The following FANCM variants were observed in gnomAD, a reference collection of about 807,000 sequenced individuals.
The protein encoded by FANCM is Fanconi anemia group M protein.
Under a neutral mutation model 199.5 loss-of-function variants are expected in FANCM, and 140 were observed. The observed-to-expected ratio is 0.70, with a 90% CI of 0.61 to 0.81. FANCM has a LOEUF of 0.81. Among genes scored for constraint, FANCM ranks in the 30% least tolerant of loss-of-function variants. FANCM has a pLI of 0.00. For synonymous variants in FANCM, 840 were observed against 836.8 expected (o/e 1.00, Z -0.07); for missense variants, 2,410 against 2,421.4 (o/e 1.00, Z 0.10).
intron 8 of FANCM, among the ~76,000 whole-genome samples, chr14:45,157,801 A>G (rs1369280094): frequency 2.0e-5 from 3 of 152,230 alleles, no homozygotes; most frequent in African/African-American, 7.2e-5. Flanking sequence ...TTTATATTTA[A>G]TAAGTCATTT....
intron 3 of FANCM, among the ~76,000 whole-genome samples, chr14:45,142,164 C>G (rs1886015122): frequency 6.6e-6 from 1 of 152,056 alleles, no homozygotes; most frequent in Non-Finnish European, 1.5e-5. Context: ...CATTGCTATA[C>G]CAGTAACTAA....
At chr14:45,197,849 C>T (rs1297641325) in intron 21 of FANCM, among the ~76,000 whole-genome samples, 2 of 151,658 alleles carry the variant, frequency 1.3e-5, no homozygotes, top group Non-Finnish European at 1.5e-5. Flanking sequence ...CTGCAACCTC[C>T]GCCTCCTGTG....
chr14:45,175,323 G>T lies in FANCM; in HGVS notation c.2569G>T (p.Val857Leu). The T allele has an allele frequency of 6.4e-7, 1 of 1,561,292 alleles. No individual in the cohort carries two copies. Among genetic ancestry groups the T allele is most frequent in the East Asian group, 2.2e-5 (1 of 44,462 alleles). Reference sequence around the variant, plus strand: ...TAAAATTGTTTCTTTAAAGAAAAAAGTGTCTAAAGAAATAAAAAAAGATCA... The same window carrying T: ...TAAAATTGTTTCTTTAAAGAAAAAATTGTCTAAAGAAATAAAAAAAGATCA... ...PTKIVSLKKKVSKEIKKDQLK... is the reference protein window; with the variant it reads ...PTKIVSLKKKLSKEIKKDQLK... Residue 857 changes from valine (V) to leucine (L), a missense_variant, in exon 14 of 23, where the codon GTG becomes TTG. Coordinates refer to ENST00000267430, the MANE Select transcript of FANCM (RefSeq NM_020937.4).
In FANCM at chr14:45,159,254, G is replaced by A; in HGVS notation, c.1555G>A (p.Gly519Ser). ...VGHASGKSTK[G>S]FTQKEQLEVV... Reference sequence around the variant, plus strand: ...CCATGCCTCAGGGAAAAGCACGAAGGGTTTTACCCAGAAGGAGCAACTGGA... The same window carrying A: ...CCATGCCTCAGGGAAAAGCACGAAGAGTTTTACCCAGAAGGAGCAACTGGA... Residue 519 changes from glycine (G) to serine (S), a missense_variant, in exon 9 of 23, where the codon GGT becomes AGT. Coordinates refer to ENST00000267430, the MANE Select transcript of FANCM (RefSeq NM_020937.4). 2 of 1,613,146 alleles carry A rather than the reference G, an allele frequency of 1.2e-6. No homozygotes were observed.
At chr14:45,194,653 T>TA (rs1889961296) in intron 20 of FANCM, among the ~76,000 whole-genome samples, 1 of 152,174 alleles carries the variant, frequency 6.6e-6, no homozygotes, top group African/African-American at 2.4e-5. Context: ...GATGCGTATG[T>TA]AGGTTGTTTC....
At chr14:45,179,158 C>T (rs1888902071) in intron 14 of FANCM, among the ~76,000 whole-genome samples, 1 of 152,082 alleles carries the variant, frequency 6.6e-6, no homozygotes, top group Admixed American at 6.6e-5. Flanking sequence ...GAGATCGCGC[C>T]ACTGTACTCC....
At position 45,151,382 on chromosome 14, in the gene FANCM, C is replaced by G. The variant is rs751808714; in HGVS notation, c.919-15C>G. ...TTTAGAGCAAGCTTAAACTAGATTG[C>G]TTTTAAATTTGCAGATTTTGGAATC... On this transcript the variant is annotated splice_polypyrimidine_tract_variant and intron_variant, in intron 4 of 22. Transcript: ENST00000267430. 8.7e-6 allele frequency: 14 copies of G among 1,612,476 alleles called. No homozygotes were observed. The African/African-American group carries it at 1.7e-4, about 20-fold the overall frequency.
intron 20 of FANCM, chr14:45,195,488 G>T: frequency 2.2e-6 from 1 of 454,170 alleles, no homozygotes; most frequent in Middle Eastern, 3.3e-4. Context: ...CAGAGGTTCG[G>T]ACATCTAGCA....
At chr14:45,164,597 C>T in intron 10 of FANCM, 32 bp downstream of exon 10, 1 of 1,509,158 alleles carries the variant, frequency 6.6e-7, no homozygotes, top group Non-Finnish European at 9.0e-7. Context: ...CAATTTGACA[C>T]TTGAAATTTG....
At chr14:45,143,690 ATTTTTTT>A (rs869298490) in intron 3 of FANCM, among the ~76,000 whole-genome samples, 1 of 123,974 alleles carries the variant, frequency 8.1e-6, no homozygotes, top group African/African-American at 3.3e-5. Flanking sequence ...TTGAGTAAGG[ATTTTTTT>A]TTTTTTTTTT....
chr14:45,173,257 A>C (rs1161800657), intron 13 of FANCM, 47 bp downstream of exon 13: 2 of 1,509,454 alleles, frequency 1.3e-6, no homozygotes, highest in Non-Finnish European at 1.8e-6. Flanking sequence ...TAGTAAAACT[A>C]GAGTACTTAG....
In FANCM at chr14:45,160,305, T is replaced by G. The variant is rs139743689; in HGVS notation, c.1581+1025T>G. Among the ~76,000 whole-genome samples, 1,276 of 150,642 alleles carry G rather than the reference T, an allele frequency of 8.5e-3. 17 individuals are homozygous for G. Among genetic ancestry groups the G allele is most frequent in the African/African-American group, 0.029 (1,202 of 41,248 alleles). On this transcript the variant is annotated intron_variant, in intron 9 of 22. Coordinates refer to ENST00000267430, the MANE Select transcript of FANCM (RefSeq NM_020937.4). ...CACCTCGCCTGGCTGGGAGGTAGTCTTCTTCTTCTTTTCTTTTTTTTTTTT... is the reference window on the plus strand; with the variant it reads ...CACCTCGCCTGGCTGGGAGGTAGTCGTCTTCTTCTTTTCTTTTTTTTTTTT...
rs1890300701 is a variant in FANCM at position 45,200,502 on chromosome 14, AAACTT to A, written c.*499_*503del. ...ATGACCCAGTAACTAGGAAAGTAGA[AAACTT>A]AACTGAATGTTTATCTGACCAAAGG... On this transcript the variant is annotated 3_prime_UTR_variant, in exon 23 of 23. Coordinates refer to ENST00000267430, the MANE Select transcript of FANCM (RefSeq NM_020937.4). 6.5e-6 allele frequency: 1 copy of A among 153,386 alleles called. No homozygotes were observed. Among genetic ancestry groups the A allele is most frequent in the Admixed American group, 6.5e-5 (1 of 15,300 alleles). 9.5% of individuals were successfully genotyped at this position (153,386 alleles called of 1,614,324 possible). A position where few individuals can be genotyped will look rare whatever the true frequency, so the allele number is the denominator to read the frequency against.
rs2139298348 is a variant in FANCM, at chr14:45,189,301, C to T, written c.5279C>T (p.Thr1760Ile). 2 of 1,613,880 alleles carry T rather than the reference C, an allele frequency of 1.2e-6. No homozygotes were observed. The highest frequency in any genetic ancestry group is 1.3e-5 in the African/African-American group (1 of 75,044). ...PQNHNEVQSTTPPFTTVDSQK... is the reference protein window; with the variant it reads ...PQNHNEVQSTIPPFTTVDSQK... ...AATCATAATGAAGTCCAGTCTACCA[C>T]ACCACCCTTCACTACTGTTGATTCA... is the stretch of plus-strand genomic sequence containing the variant. The change falls in exon 20 of 23, where the codon ACA becomes ATA. Residue 1760 changes from threonine (T) to isoleucine (I), a missense_variant. Transcript: ENST00000267430.
At position 45,175,835 on chromosome 14, in the gene FANCM, G is replaced by T; in HGVS notation, c.3081G>T (p.Glu1027Asp). 6.2e-7 allele frequency: 1 copy of T among 1,613,902 alleles called. No individual in the cohort carries two copies. Among genetic ancestry groups the T allele is most frequent in the Non-Finnish European group, 8.5e-7 (1 of 1,179,940 alleles). ...ATTTGCTTTTCTTACCCTGTGCAGA[G>T]CATTTACGAAGTGATAAATGCACCT... ...LENLLFLPCAEHLRSDKCTCL... is the reference protein window; with the variant it reads ...LENLLFLPCADHLRSDKCTCL... Residue 1027 changes from glutamate (E) to aspartate (D), a missense_variant, in exon 14 of 23, where the codon GAG becomes GAT. Transcript: ENST00000267430.
chr14:45,145,826 G>A (rs907341588), intron 3 of FANCM, among the ~76,000 whole-genome samples: 3 of 151,776 alleles, frequency 2.0e-5, no homozygotes, highest in East Asian at 1.9e-4. Flanking sequence ...TTGGGAGGCC[G>A]AGGCGGGCGG....
intron 9 of FANCM, among the ~76,000 whole-genome samples, chr14:45,159,939 C>G (rs1887465472): frequency 6.7e-6 from 1 of 148,400 alleles, no homozygotes; most frequent in Non-Finnish European, 1.5e-5. Context: ...TCTTTAATTT[C>G]TAATTAATTT....
chr14:45,196,521 T>C lies in FANCM; in HGVS notation c.5690T>C (p.Ile1897Thr). ...LQSMFERICVIVEKDREKTGD... is the reference protein window; with the variant it reads ...LQSMFERICVTVEKDREKTGD... ...AGTATGTTTGAAAGAATATGTGTGA[T>C]TGTGGAAAAGGACAGAGAAAAAACA... Residue 1897 changes from isoleucine (I) to threonine (T), a missense_variant, in exon 21 of 23, where the codon ATT becomes ACT. Transcript: ENST00000267430. 1.2e-6 allele frequency: 2 copies of C among 1,614,010 alleles called. No individual in the cohort carries two copies. Among genetic ancestry groups the C allele is most frequent in the Non-Finnish European group, 1.7e-6 (2 of 1,179,986 alleles).
chr14:45,167,039 A>G lies in FANCM; in HGVS notation c.1878A>G (p.Pro626=), dbSNP rs1181966613. The change falls in exon 11 of 23, where the codon CCA becomes CCG. Residue 626 remains proline (P), a synonymous_variant. Transcript: ENST00000267430. ...RQVLHFYQRS[P]RMVPDGINPK... ...TCCTTCATTTTTACCAAAGAAGTCC[A>G]CGAATGGTTCCTGATGGAATCAACC... 1.2e-6 allele frequency: 2 copies of G among 1,612,224 alleles called. No individual in the cohort carries two copies. The highest frequency in any genetic ancestry group is 2.2e-5 in the South Asian group (2 of 91,062).
Sources: allele counts gnomAD v4.1 joint callset (sites outside exome capture counted in the v4.1 genomes callset), GRCh38; gene constraint gnomAD v4.1.1; transcripts MANE v1.5; gene names NCBI Gene and HGNC (gene_info 2026-07-23, HGNC 2026-07-21).